TCF7: variants seen among roughly 807,000 people sequenced by gnomAD.
TCF7 encodes transcription factor 7.
In TCF7, 19 loss-of-function variants were observed where a neutral mutation model predicts 46.8. The observed-to-expected ratio is 0.41, with a 90% CI of 0.28 to 0.60. The LOEUF (loss-of-function observed/expected upper bound fraction) is 0.60, where lower values mean the gene tolerates loss of function less well. Ranked by LOEUF, TCF7 falls within the 20% of genes least tolerant of loss-of-function variation. TCF7 has a pLI of 0.35. For missense variants in TCF7, 547 were observed against 504.6 expected (o/e 1.08, Z -0.81); for synonymous variants, 245 against 213.4 (o/e 1.15, Z -1.29).
upstream of TCF7, among the ~76,000 whole-genome samples, chr5:134,114,135 G>A (rs1288942070): frequency 6.6e-6 from 1 of 152,222 alleles, no homozygotes; most frequent in Non-Finnish European, 1.5e-5. Context: ...GTATACTTAT[G>A]TTCGCACTGT....
chr5:134,124,491 T>A lies in TCF7; in HGVS notation c.441+8458T>A, dbSNP rs917790501. ...TAGGGACTCTGGCCTGGGGTGAGCC[T>A]GAGTCTGGCCTTCTCCTGGGAGGAG... On this transcript the variant is annotated intron_variant, in intron 3 of 9. Coordinates refer to ENST00000342854, the MANE Select transcript of TCF7 (RefSeq NM_003202.5). 2.0e-5 allele frequency among the ~76,000 whole-genome samples: 3 copies of A among 152,108 alleles called. No homozygotes were observed. In the East Asian group the frequency reaches 5.8e-4, roughly 29 times the overall value.
chr5:134,118,536 C>T (rs1051375648), intron 3 of TCF7, among the ~76,000 whole-genome samples: 2 of 152,104 alleles, frequency 1.3e-5, no homozygotes, highest in African/African-American at 2.4e-5. Flanking sequence ...CAGGCCAGCT[C>T]GAACCTTGCC....
the TCF7 span, among the ~76,000 whole-genome samples, chr5:134,109,284 CT>C: frequency 2.0e-5 from 3 of 152,316 alleles, no homozygotes; most frequent in African/African-American, 7.2e-5. Context: ...AGACATTCCT[CT>C]CTCAGTGTGT....
chr5:134,143,173 CAGTA>C (rs1760126530), intron 8 of TCF7, 73 bp downstream of exon 8: 2 of 1,463,980 alleles, frequency 1.4e-6, no homozygotes, highest in East Asian at 4.8e-5. Flanking sequence ...GCCACAATCT[CAGTA>C]AGGAACGCAG....
At chr5:134,138,223 A>AG in intron 4 of TCF7, 59 bp downstream of exon 4, 1 of 1,485,966 alleles carries the variant, frequency 6.7e-7, no homozygotes, top group Non-Finnish European at 9.3e-7. Context: ...CCAAGACCCC[A>AG]GCTTCTGAGA....
Position 134,146,556 on chromosome 5 carries a change from AC to A in TCF7, c.*258del. The A allele has an allele frequency of 2.8e-6, 2 of 711,572 alleles. No homozygotes were observed. The highest frequency in any genetic ancestry group is 2.7e-5 in the East Asian group (1 of 37,272). 44.1% of individuals were successfully genotyped at this position (711,572 alleles called of 1,614,324 possible). On this transcript the variant is annotated 3_prime_UTR_variant, in exon 10 of 10. Transcript: ENST00000342854. The stretch of plus-strand genomic sequence containing the variant: ...GACACCTGGCCGCCTCCAGGAGCCT[AC>A]CCCCTGAAAGTGACAGAGACCCAGA...
chr5:134,121,091 C>T (rs760141116), intron 3 of TCF7, among the ~76,000 whole-genome samples: 5 of 152,164 alleles, frequency 3.3e-5, no homozygotes, highest in Non-Finnish European at 7.4e-5. Context: ...CGCCTACTTA[C>T]TGCCCTGCCT....
intron 3 of TCF7, among the ~76,000 whole-genome samples, chr5:134,125,819 C>T (rs551646765): frequency 6.6e-6 from 1 of 152,322 alleles, no homozygotes; most frequent in East Asian, 1.9e-4. Context: ...ACCCCGGTGT[C>T]CGGTGGAAAA....
intron 3 of TCF7, among the ~76,000 whole-genome samples, chr5:134,119,455 T>C (rs543738209): frequency 1.5e-4 from 22 of 149,714 alleles, no homozygotes; most frequent in Admixed American, 1.3e-3. Flanking sequence ...AGCCACTGAA[T>C]TACATAACCT....
chr5:134,113,660 A>C (rs1202043067), upstream of TCF7, among the ~76,000 whole-genome samples: 2 of 152,286 alleles, frequency 1.3e-5, no homozygotes, highest in African/African-American at 2.4e-5. Context: ...TCTTTTGTAG[A>C]TGCAGGGGCT....
intron 9 of TCF7, 64 bp from the exon 10 acceptor site, chr5:134,146,160 T>G (rs1760670395): frequency 5.0e-6 from 8 of 1,613,656 alleles, no homozygotes; most frequent in Non-Finnish European, 6.8e-6. Flanking sequence ...CAGCATTTTT[T>G]GGTTGTGGTG....
At chr5:134,142,347 A>G (rs748857469) in intron 6 of TCF7, 43 bp downstream of exon 6, 2 of 1,540,642 alleles carry the variant, frequency 1.3e-6, no homozygotes, top group Admixed American at 3.7e-5. Flanking sequence ...GTCAGTCAGG[A>G]TACACATGCC....
chr5:134,142,376 A>C (rs1354616938), intron 6 of TCF7, 72 bp downstream of exon 6: 9 of 1,320,216 alleles, frequency 6.8e-6, no homozygotes, highest in Non-Finnish European at 8.9e-6. Context: ...AGGCCTGAGG[A>C]CTGCCACGAG....
At chr5:134,144,751 G>C (rs1230797363) in intron 9 of TCF7, 1 of 1,496,024 alleles carries the variant, frequency 6.7e-7, no homozygotes, top group East Asian at 2.3e-5. Context: ...CCCGCTGCCT[G>C]CTCGCCCTCT....
chr5:134,114,053 G>A (rs1333652831), upstream of TCF7, among the ~76,000 whole-genome samples: 1 of 152,198 alleles, frequency 6.6e-6, no homozygotes, highest in African/African-American at 2.4e-5. Flanking sequence ...TCGCCTGACT[G>A]AGGGGCCCGT....
intron 8 of TCF7, chr5:134,143,363 G>A: frequency 1.3e-6 from 1 of 783,904 alleles, no homozygotes; most frequent in Non-Finnish European, 2.3e-6. Flanking sequence ...AAGGGGTCTG[G>A]AAGTCACCTC....
intron 5 of TCF7, chr5:134,139,382 G>GA (rs1759396418): frequency 3.9e-6 from 1 of 254,958 alleles, no homozygotes; most frequent in Admixed American, 4.7e-5. Flanking sequence ...AACTGAGGAA[G>GA]AAAGGTGGGC....
Position 134,139,056 on chromosome 5 carries a change from G to A in TCF7, c.635+18G>A, listed in dbSNP as rs1469596908. On this transcript the variant is annotated intron_variant, in intron 5 of 9. Transcript: ENST00000342854. ...GTGAGCTGGTGAGTGTGGGCCCAAT[G>A]GGAAAGGGGTACCGTGTGCTGGTCA... is the stretch of plus-strand genomic sequence containing the variant. The A allele has an allele frequency of 1.9e-6, 3 of 1,613,046 alleles. No individual in the cohort carries two copies. The highest frequency in any genetic ancestry group is 2.5e-6 in the Non-Finnish European group (3 of 1,179,870).
intron 3 of TCF7, among the ~76,000 whole-genome samples, chr5:134,130,535 C>A (rs546344184): frequency 1.8e-4 from 28 of 152,378 alleles, no homozygotes; most frequent in South Asian, 8.3e-4. Flanking sequence ...GGTGTCTGTC[C>A]AGAAGAAGGG....
Sources: gnomAD v4.1 joint callset for allele counts (sites outside exome capture counted in the v4.1 genomes callset) on GRCh38, gnomAD v4.1.1 for gene constraint, MANE v1.5 for transcripts, NCBI Gene and HGNC (gene_info 2026-07-23, HGNC 2026-07-21) for gene names.